The following RAP1B variants were observed in gnomAD, a reference collection of about 807,000 sequenced individuals.
RAP1B encodes RAP1B, member of RAS oncogene family.
In RAP1B, 1 loss-of-function variant was observed where a neutral mutation model predicts 27.5. That is an observed-to-expected ratio of 0.04 (90% CI 0.01 to 0.17). The LOEUF (loss-of-function observed/expected upper bound fraction) is 0.17, where lower values mean the gene tolerates loss of function less well. RAP1B is among the 10% of genes least tolerant of loss of function. RAP1B has a pLI of 1.00. For synonymous variants in RAP1B, 75 were observed against 73.1 expected, an observed-to-expected ratio of 1.03 and a Z score of -0.13; for missense variants, 84 against 214.8, an observed-to-expected ratio of 0.39 and a Z score of 3.81.
intron 1 of RAP1B, chr12:68,642,842 A>G (rs879143304): frequency 3.0e-6 from 3 of 994,268 alleles, no homozygotes; most frequent in Non-Finnish European, 4.9e-6. Flanking sequence ...CCAGTCGATA[A>G]CCGGTGGATT....
intron 1 of RAP1B, among the ~76,000 whole-genome samples, chr12:68,641,906 T>C (rs1173995677): frequency 6.6e-6 from 1 of 152,176 alleles, no homozygotes; most frequent in African/African-American, 2.4e-5. Context: ...TAGATTGTGT[T>C]GGAGAGGCAG....
At position 68,662,034 on chromosome 12, in the gene RAP1B, T is replaced by TATATATATAAA; in HGVS notation, c.*2792_*2793insTAAAATATATA. The TATATATATAAA allele has an allele frequency of 7.8e-6, 1 of 127,798 alleles. No individual in the cohort carries two copies. The highest frequency in any genetic ancestry group is 2.8e-5 in the African/African-American group (1 of 36,224). The allele number at this position is 127,798 out of a possible 1,614,324, so 7.9% of individuals were successfully genotyped here. A position where few individuals can be genotyped will look rare whatever the true frequency, so the allele number is the denominator to read the frequency against. On this transcript the variant is annotated 3_prime_UTR_variant, in exon 8 of 8. Transcript: ENST00000250559. ...TATATATATATATATATATATATATTATATATAGTACATATATAGAGAGAG... is the reference window on the plus strand; with the variant it reads ...TATATATATATATATATATATATATTATATATATAAAATATATAGTACATATATAGAGAGAG...
chr12:68,611,648 C>G (rs1248918085), intron 1 of RAP1B, among the ~76,000 whole-genome samples: 1 of 152,146 alleles, frequency 6.6e-6, no homozygotes, highest in Admixed American at 6.5e-5. Context: ...CTTGCTTGCT[C>G]CATTTGTTGC....
rs1204052851 is a variant in RAP1B, at chr12:68,668,156, C to T, written c.*8907C>T. The stretch of plus-strand genomic sequence containing the variant: ...AATTAATGACTTGGTTGCCCTAGGC[C>T]CCCCGTCAAGGCTTTTGTTCAAGGG... On this transcript the variant is annotated 3_prime_UTR_variant, in exon 8 of 8. Coordinates refer to ENST00000250559, the MANE Select transcript of RAP1B (RefSeq NM_001010942.3). The T allele has an allele frequency of 6.6e-6, 1 of 152,120 alleles. No individual in the cohort carries two copies. Among genetic ancestry groups the T allele is most frequent in the Non-Finnish European group, 1.5e-5 (1 of 68,046 alleles). The allele number at this position is 152,120 out of a possible 1,614,324, so 9.4% of individuals were successfully genotyped here. A position where few individuals can be genotyped will look rare whatever the true frequency, so the allele number is the denominator to read the frequency against.
At chr12:68,621,212 C>T (rs1871361891) in intron 1 of RAP1B, among the ~76,000 whole-genome samples, 1 of 152,096 alleles carries the variant, frequency 6.6e-6, no homozygotes, top group Non-Finnish European at 1.5e-5. Context: ...CCATAGAGAG[C>T]AAGGGAATTT....
At position 68,658,951 on chromosome 12, in the gene RAP1B, G is replaced by A. The variant is rs534884587; in HGVS notation, c.*31-329G>A. 3.3e-5 allele frequency among the ~76,000 whole-genome samples: 5 copies of A among 152,256 alleles called. No homozygotes were observed. In the South Asian group the frequency reaches 1.0e-3, roughly 32 times the overall value. On this transcript the variant is annotated intron_variant, in intron 7 of 7. Coordinates refer to ENST00000250559, the MANE Select transcript of RAP1B (RefSeq NM_001010942.3). ...ACTTTTCAATCCTAATTCTAATAAG[G>A]TTGACTTGACTAACAATTTTAATGT...
chr12:68,626,131 C>T (rs900670116), intron 1 of RAP1B, among the ~76,000 whole-genome samples: 1 of 152,180 alleles, frequency 6.6e-6, no homozygotes, highest in Admixed American at 6.5e-5. Context: ...AAGCTTCACC[C>T]ATCCTTGTGG....
chr12:68,629,224 C>T (rs2135931674), intron 1 of RAP1B, among the ~76,000 whole-genome samples: 1 of 152,302 alleles, frequency 6.6e-6, no homozygotes, highest in South Asian at 2.1e-4. Context: ...AGCCATCTAC[C>T]TACCCCAGCC....
chr12:68,620,551 T>A (rs1055153787), intron 1 of RAP1B, among the ~76,000 whole-genome samples: 2 of 152,180 alleles, frequency 1.3e-5, no homozygotes, highest in African/African-American at 4.8e-5. Context: ...GTAGCAATCC[T>A]TGTTAAACTG....
At chr12:68,638,657 T>C (rs1206036145) in intron 1 of RAP1B, among the ~76,000 whole-genome samples, 3 of 152,148 alleles carry the variant, frequency 2.0e-5, no homozygotes, top group Non-Finnish European at 4.4e-5. Flanking sequence ...AATTAAGGAA[T>C]CTAACTTTTT....
At chr12:68,642,901 C>T (rs1873122816) in intron 1 of RAP1B, 2 of 952,932 alleles carry the variant, frequency 2.1e-6, no homozygotes, top group Middle Eastern at 3.2e-4. Flanking sequence ...TCCAGGATTT[C>T]AGGAAACTAG....
At chr12:68,634,667 G>A (rs553859704) in intron 1 of RAP1B, among the ~76,000 whole-genome samples, 1 of 151,526 alleles carries the variant, frequency 6.6e-6, no homozygotes, top group Admixed American at 6.6e-5. Flanking sequence ...CTCTTGACTC[G>A]GCTGAGAAAT....
chr12:68,614,549 C>T (rs1870841414), intron 1 of RAP1B, among the ~76,000 whole-genome samples: 1 of 152,214 alleles, frequency 6.6e-6, no homozygotes. Context: ...ATTGGTCTGT[C>T]TTAAACTTTC....
At chr12:68,630,448 G>A (rs888561217) in intron 1 of RAP1B, among the ~76,000 whole-genome samples, 1 of 152,080 alleles carries the variant, frequency 6.6e-6, no homozygotes, top group Non-Finnish European at 1.5e-5. Context: ...GGAGCAAATG[G>A]GATTTGGCCT....
At chr12:68,637,985 T>G (rs1872745354) in intron 1 of RAP1B, among the ~76,000 whole-genome samples, 1 of 152,192 alleles carries the variant, frequency 6.6e-6, no homozygotes, top group Non-Finnish European at 1.5e-5. Context: ...GTTTTTAAGG[T>G]AACCTGGGAT....
At chr12:68,645,297 C>T (rs1163738599) in intron 1 of RAP1B, among the ~76,000 whole-genome samples, 1 of 152,210 alleles carries the variant, frequency 6.6e-6, no homozygotes, top group African/African-American at 2.4e-5. Context: ...TAGAAAACCA[C>T]AATTTGAAAC....
At chr12:68,649,735 T>C (rs1428233404) in intron 2 of RAP1B, 1 of 152,186 alleles carries the variant, frequency 6.6e-6, no homozygotes, top group East Asian at 1.9e-4. Context: ...TCCAAAGTGA[T>C]GGGGAGGTCA....
chr12:68,665,434 C>T lies in RAP1B; in HGVS notation c.*6185C>T, dbSNP rs1874806985. ...CCATGAGTGTGAATGAAATTATTTT[C>T]GTAAGAATTACTTGGGGTTAAAAAT... On this transcript the variant is annotated 3_prime_UTR_variant, in exon 8 of 8. Transcript: ENST00000250559. 6.6e-6 allele frequency: 1 copy of T among 152,122 alleles called. No homozygotes were observed. Among genetic ancestry groups the T allele is most frequent in the African/African-American group, 2.4e-5 (1 of 41,420 alleles). 9.4% of individuals were successfully genotyped at this position (152,122 alleles called of 1,614,324 possible).
rs927011876 is a variant in RAP1B at position 68,663,264 on chromosome 12, A to G, written c.*4015A>G. 3 of 152,052 alleles carry G rather than the reference A, an allele frequency of 2.0e-5. No homozygotes were observed. The highest frequency in any genetic ancestry group is 7.3e-5 in the African/African-American group (3 of 41,376). The allele number at this position is 152,052 out of a possible 1,614,324, so 9.4% of individuals were successfully genotyped here. A position where few individuals can be genotyped will look rare whatever the true frequency, so the allele number is the denominator to read the frequency against. On this transcript the variant is annotated 3_prime_UTR_variant, in exon 8 of 8. Transcript: ENST00000250559. The stretch of plus-strand genomic sequence containing the variant: ...TTTTTGGTAGAGATGAGGTTTCTCC[A>G]TGTTGGTTAGGCTGGTTTCGAACTC...
Sources: allele counts gnomAD v4.1 joint callset (sites outside exome capture counted in the v4.1 genomes callset), GRCh38; gene constraint gnomAD v4.1.1; transcripts MANE v1.5; gene names NCBI Gene and HGNC (gene_info 2026-07-23, HGNC 2026-07-21).